Variants in GPC6 observed in about 807,000 individuals in gnomAD.
GPC6 encodes glypican-6.
GPC6 carries 14 observed loss-of-function variants against 55.2 expected under a neutral mutation model. The ratio of observed to expected loss-of-function variants is 0.25; its 90% confidence interval spans 0.17 to 0.40. GPC6 has a LOEUF of 0.40. GPC6 is among the 10% of genes least tolerant of loss of function. The pLI, the probability that GPC6 is intolerant of heterozygous loss-of-function variation, is 1.00. For synonymous variants in GPC6, 278 were observed against 259.6 expected (o/e 1.07, Z -0.68); for missense variants, 641 against 708.5 (o/e 0.90, Z 1.08).
chr13:93,582,106 A>G (rs1876964621), intron 2 of GPC6, among the ~76,000 whole-genome samples: 1 of 152,240 alleles, frequency 6.6e-6, no homozygotes, highest in Non-Finnish European at 1.5e-5. Flanking sequence ...TTGAAGGGGA[A>G]TAAATAATTA....
At chr13:94,127,960 A>C (rs531113128) in intron 4 of GPC6, among the ~76,000 whole-genome samples, 144 of 152,304 alleles carry the variant, frequency 9.5e-4, no homozygotes, top group African/African-American at 3.4e-3. Flanking sequence ...GGCTTAAGCA[A>C]AGGGAGTTAG....
intron 2 of GPC6, among the ~76,000 whole-genome samples, chr13:93,584,048 G>A (rs1160754334): frequency 1.3e-5 from 2 of 152,158 alleles, no homozygotes; most frequent in Non-Finnish European, 2.9e-5. Context: ...TTTCCCACCT[G>A]AGCAAGCATG....
intron 4 of GPC6, among the ~76,000 whole-genome samples, chr13:94,176,561 A>C (rs2138939245): frequency 6.6e-6 from 1 of 152,288 alleles, no homozygotes; most frequent in East Asian, 1.9e-4. Context: ...TCTTTTCAAA[A>C]AGAAGCCAAT....
intron 4 of GPC6, among the ~76,000 whole-genome samples, chr13:94,215,660 G>T (rs553468042): frequency 6.2e-4 from 95 of 152,160 alleles, no homozygotes; most frequent in African/African-American, 2.3e-3. Context: ...GGACTTTAAA[G>T]TTACAAAACT....
At chr13:93,849,455 A>C (rs1888319386) in intron 3 of GPC6, among the ~76,000 whole-genome samples, 1 of 152,104 alleles carries the variant, frequency 6.6e-6, no homozygotes, top group Admixed American at 6.6e-5. Context: ...ATTGTAGATG[A>C]ATGAAAGATG....
intron 4 of GPC6, among the ~76,000 whole-genome samples, chr13:94,090,967 A>G (rs1342193902): frequency 6.6e-6 from 1 of 152,192 alleles, no homozygotes; most frequent in Non-Finnish European, 1.5e-5. Context: ...AGTGAAAGCC[A>G]ATTCATGTTG....
chr13:93,718,415 T>C (rs1332969635), intron 2 of GPC6, among the ~76,000 whole-genome samples: 1 of 152,108 alleles, frequency 6.6e-6, no homozygotes, highest in Non-Finnish European at 1.5e-5. Flanking sequence ...TTTTGAAAAG[T>C]GTCTGTTCAT....
chr13:93,478,568 C>T (rs1454780806), intron 1 of GPC6, among the ~76,000 whole-genome samples: 1 of 152,176 alleles, frequency 6.6e-6, no homozygotes, highest in African/African-American at 2.4e-5. Flanking sequence ...AATACATCCT[C>T]CTCCTTCAGA....
chr13:93,526,887 C>T (rs1297161666), intron 1 of GPC6, among the ~76,000 whole-genome samples: 1 of 152,058 alleles, frequency 6.6e-6, no homozygotes, highest in Admixed American at 6.6e-5. Context: ...TGGCTTCCAG[C>T]AGTATCATAG....
intron 3 of GPC6, among the ~76,000 whole-genome samples, chr13:94,009,577 G>C (rs1219061258): frequency 6.6e-6 from 1 of 152,120 alleles, no homozygotes; most frequent in East Asian, 1.9e-4. Context: ...CTCAGTCTTA[G>C]ATCTATTTTA....
chr13:94,226,380 G>A (rs1594076224), intron 4 of GPC6, among the ~76,000 whole-genome samples: 2 of 152,054 alleles, frequency 1.3e-5, no homozygotes, highest in Non-Finnish European at 2.9e-5. Context: ...GATGGCTATA[G>A]CTAACAATGT....
chr13:94,318,765 T>G (rs1876669435), intron 6 of GPC6, among the ~76,000 whole-genome samples: 1 of 152,214 alleles, frequency 6.6e-6, no homozygotes, highest in African/African-American at 2.4e-5. Context: ...TTATGGATGA[T>G]GTATATATTT....
chr13:93,839,411 C>T (rs944623815), intron 3 of GPC6, among the ~76,000 whole-genome samples: 1 of 152,064 alleles, frequency 6.6e-6, no homozygotes, highest in African/African-American at 2.4e-5. Context: ...TGGTGAGGCT[C>T]CTATGTGTGA....
chr13:93,343,048 T>G (rs1293581254), intron 1 of GPC6, among the ~76,000 whole-genome samples: 1 of 152,180 alleles, frequency 6.6e-6, no homozygotes, highest in African/African-American at 2.4e-5. Flanking sequence ...CTCTCTTATC[T>G]TTACTCAATG....
chr13:93,666,895 AC>A (rs1209790689), intron 2 of GPC6, among the ~76,000 whole-genome samples: 1 of 152,164 alleles, frequency 6.6e-6, no homozygotes, highest in Non-Finnish European at 1.5e-5. Context: ...TGGAAATCGG[AC>A]TTAAATTATT....
chr13:93,471,146 T>C (rs1879095787), intron 1 of GPC6, among the ~76,000 whole-genome samples: 1 of 152,166 alleles, frequency 6.6e-6, no homozygotes, highest in East Asian at 1.9e-4. Flanking sequence ...TTGCTTCAAC[T>C]TGCTTTGTGT....
At chr13:93,964,754 C>G (rs1200967541) in intron 3 of GPC6, among the ~76,000 whole-genome samples, 1 of 152,162 alleles carries the variant, frequency 6.6e-6, no homozygotes, top group African/African-American at 2.4e-5. Flanking sequence ...TGTTGTTTCT[C>G]CTATTTCTGA....
intron 2 of GPC6, among the ~76,000 whole-genome samples, chr13:93,690,620 C>T (rs1343752183): frequency 2.0e-5 from 3 of 151,830 alleles, no homozygotes; most frequent in East Asian, 3.9e-4. Context: ...CTTTCTAGCC[C>T]GACTCTCAAC....
chr13:93,968,066 A>G (rs181927889), intron 3 of GPC6, among the ~76,000 whole-genome samples: 138 of 152,294 alleles, frequency 9.1e-4, no homozygotes, highest in Admixed American at 3.4e-3. Flanking sequence ...AAAATTTGTA[A>G]CTGAATGTTT....
Sources: allele counts gnomAD v4.1 joint callset (sites outside exome capture counted in the v4.1 genomes callset), GRCh38; gene constraint gnomAD v4.1.1; transcripts MANE v1.5; gene names NCBI Gene and HGNC (gene_info 2026-07-23, HGNC 2026-07-21).